Variants in SHOC1 observed in about 807,000 individuals in gnomAD.
The protein encoded by SHOC1 is shortage in chiasmata 1.
In SHOC1, 136 loss-of-function variants were observed where a neutral mutation model predicts 179.2. The observed-to-expected ratio is 0.76, with a 90% CI of 0.66 to 0.87. SHOC1 has a LOEUF of 0.87. Ranked by LOEUF, SHOC1 falls within the 40% of genes least tolerant of loss-of-function variation. The pLI, the probability that SHOC1 is intolerant of heterozygous loss-of-function variation, is 0.00. For synonymous variants in SHOC1, 489 were observed against 586.6 expected (o/e 0.83, Z 2.41); for missense variants, 1,538 against 1,700.8 (o/e 0.90, Z 1.68).
At chr9:111,707,627 G>A (rs1200186230) in intron 19 of SHOC1, among the ~76,000 whole-genome samples, 1 of 151,780 alleles carries the variant, frequency 6.6e-6, no homozygotes, top group Non-Finnish European at 1.5e-5. Context: ...TATTATTTGG[G>A]GATATTAAAA....
At position 111,737,585 on chromosome 9, in the gene SHOC1, G is replaced by A. The variant is rs111768803; in HGVS notation, c.1417+695C>T. Among the ~76,000 whole-genome samples the A allele has an allele frequency of 4.0e-4, 61 of 151,958 alleles. 1 individual carries two copies. Among genetic ancestry groups the A allele is most frequent in the African/African-American group, 1.4e-3 (56 of 41,454 alleles). On this transcript the variant is annotated intron_variant, in intron 12 of 27. Transcript: ENST00000682961. ...TGAGGCAGGAGAATCACTTGAACCC[G>A]GGAGGTGGAGGTTGCAGTGGGTCGA...
At chr9:111,703,782 C>T (rs1224226000) in intron 22 of SHOC1, 99 bp downstream of exon 22, 9 of 584,926 alleles carry the variant, frequency 1.5e-5, no homozygotes, top group Non-Finnish European at 2.5e-5. Context: ...TAGAAGAAAT[C>T]ACTAATATAG....
intron 27 of SHOC1, among the ~76,000 whole-genome samples, chr9:111,687,225 G>A (rs1448424041): frequency 2.0e-5 from 3 of 152,154 alleles, no homozygotes; most frequent in Non-Finnish European, 4.4e-5. Context: ...TGGGATTACA[G>A]GCATGAGCCA....
intron 8 of SHOC1, among the ~76,000 whole-genome samples, chr9:111,752,807 A>G (rs922614603): frequency 6.6e-6 from 1 of 152,244 alleles, no homozygotes; most frequent in Non-Finnish European, 1.5e-5. Context: ...GAAGTAAAAA[A>G]TTCACTGAAT....
intron 5 of SHOC1, among the ~76,000 whole-genome samples, chr9:111,770,701 C>T (rs1835567864): frequency 6.6e-6 from 1 of 152,016 alleles, no homozygotes; most frequent in Non-Finnish European, 1.5e-5. Flanking sequence ...CTTTATATAC[C>T]TAGGAGTTCT....
At chr9:111,777,592 T>C (rs2131622712) in intron 4 of SHOC1, among the ~76,000 whole-genome samples, 1 of 152,336 alleles carries the variant, frequency 6.6e-6, no homozygotes, top group Middle Eastern at 3.4e-3. Context: ...TTTTTGGCTC[T>C]TTTAACCTTG....
chr9:111,735,669 C>A (rs1468691938), intron 12 of SHOC1, among the ~76,000 whole-genome samples: 2 of 152,046 alleles, frequency 1.3e-5, no homozygotes, highest in African/African-American at 4.8e-5. Context: ...GTCTTTATAG[C>A]AGAATGATTT....
intron 19 of SHOC1, among the ~76,000 whole-genome samples, chr9:111,707,397 A>G (rs932208630): frequency 2.6e-5 from 4 of 152,084 alleles, no homozygotes; most frequent in African/African-American, 9.7e-5. Context: ...AATATTTGAA[A>G]AAAAATAATT....
At chr9:111,793,420 T>C (rs1836514412) in intron 1 of SHOC1, among the ~76,000 whole-genome samples, 1 of 152,232 alleles carries the variant, frequency 6.6e-6, no homozygotes, top group African/African-American at 2.4e-5. Flanking sequence ...TACTTTTGTA[T>C]TGAAGTCAAC....
At position 111,740,998 on chromosome 9, in the gene SHOC1, T is replaced by C. The variant is rs1589430042; in HGVS notation, c.1174+478A>G. Among the ~76,000 whole-genome samples, 4 of 152,196 alleles carry C rather than the reference T, an allele frequency of 2.6e-5. No individual in the cohort carries two copies. In the South Asian group the frequency reaches 8.3e-4, roughly 32 times the overall value. On this transcript the variant is annotated intron_variant, in intron 11 of 27. Transcript: ENST00000682961. Reference sequence around the variant, plus strand: ...CGCCTCCCAGGTTTTCAAGTGATTCTTGGGCCTCAGCCTACCGACTAGCTG... The same window carrying C: ...CGCCTCCCAGGTTTTCAAGTGATTCCTGGGCCTCAGCCTACCGACTAGCTG...
At chr9:111,706,851 T>C in intron 19 of SHOC1, 105 bp from the exon 20 acceptor site, 1 of 693,596 alleles carries the variant, frequency 1.4e-6, no homozygotes, top group Non-Finnish European at 2.2e-6. Context: ...TTCTCTAATC[T>C]ATGCCTCATC....
intron 15 of SHOC1, among the ~76,000 whole-genome samples, chr9:111,720,514 T>C (rs915387203): frequency 4.6e-5 from 7 of 152,200 alleles, no homozygotes; most frequent in Non-Finnish European, 7.4e-5. Context: ...TTAGAAAGAT[T>C]TGTCATTATT....
Position 111,780,926 on chromosome 9 carries a change from A to C in SHOC1, c.257+4T>G, listed in dbSNP as rs1238595686. ...AAGAGAAATTTGAGATTAAGGATAC[A>C]TACTTCTCAAGGAAATCCTCCACAA... On this transcript the variant is annotated splice_donor_region_variant and intron_variant, in intron 4 of 27. Coordinates refer to ENST00000682961, the MANE Select transcript of SHOC1 (RefSeq NM_001378211.1). The C allele has an allele frequency of 6.2e-7, 1 of 1,605,674 alleles. No individual in the cohort carries two copies. The highest frequency in any genetic ancestry group is 8.5e-7 in the Non-Finnish European group (1 of 1,172,914).
chr9:111,762,857 G>A (rs1835196630), intron 5 of SHOC1, among the ~76,000 whole-genome samples: 1 of 151,606 alleles, frequency 6.6e-6, no homozygotes. Context: ...GTTTTAGTCA[G>A]TATAGTCAGA....
rs1831969693 is a variant in SHOC1, at chr9:111,701,517, T to A, written c.3089+588A>T. ...GTAGACAGTAATCTAAAACAACTTT[T>A]AAAAATTTCCAAATAAGTTATTTAT... On this transcript the variant is annotated intron_variant, in intron 23 of 27. Coordinates refer to ENST00000682961, the MANE Select transcript of SHOC1 (RefSeq NM_001378211.1). 3.3e-5 allele frequency among the ~76,000 whole-genome samples: 5 copies of A among 152,294 alleles called. No individual in the cohort carries two copies. In the South Asian group the frequency reaches 1.0e-3, roughly 32 times the overall value.
chr9:111,716,955 A>G (rs948994556), intron 16 of SHOC1, among the ~76,000 whole-genome samples: 80 of 152,196 alleles, frequency 5.3e-4, no homozygotes, highest in Admixed American at 5.2e-3. Context: ...GTGTAGTGTC[A>G]CATGCCCTTT....
chr9:111,719,822 A>G (rs1450039104), intron 15 of SHOC1, among the ~76,000 whole-genome samples: 1 of 152,166 alleles, frequency 6.6e-6, no homozygotes, highest in Non-Finnish European at 1.5e-5. Flanking sequence ...GGCACTCTAC[A>G]TGGAAGAAGA....
chr9:111,706,361 T>G lies in SHOC1; in HGVS notation c.2737+207A>C, dbSNP rs117126580. 6.2e-4 allele frequency among the ~76,000 whole-genome samples: 94 copies of G among 152,230 alleles called. 1 individual carries two copies. The highest frequency in any genetic ancestry group is 1.0e-3 in the Non-Finnish European group (71 of 67,944). ...AGTTAGATAAAGGAATGAAAACATA[T>G]AATTAGTAAAGCTTACTTTACAAAT... On this transcript the variant is annotated intron_variant, in intron 20 of 27. Transcript: ENST00000682961.
chr9:111,701,249 T>G (rs1831960320), intron 23 of SHOC1, among the ~76,000 whole-genome samples: 1 of 152,174 alleles, frequency 6.6e-6, no homozygotes, highest in Non-Finnish European at 1.5e-5. Flanking sequence ...CCTAATTTGG[T>G]CAGTTGATTA....
Sources: gnomAD v4.1 joint callset for allele counts (sites outside exome capture counted in the v4.1 genomes callset) on GRCh38, gnomAD v4.1.1 for gene constraint, MANE v1.5 for transcripts, NCBI Gene and HGNC (gene_info 2026-07-23, HGNC 2026-07-21) for gene names.